Variants in RAD52 observed in about 807,000 individuals in gnomAD.
The protein encoded by RAD52 is DNA repair protein RAD52 homolog.
A neutral mutation model predicts 55.5 loss-of-function variants in RAD52; 47 were observed. That is an observed-to-expected ratio of 0.85 (90% CI 0.67 to 1.08). The LOEUF is 1.08. Among genes scored for constraint, RAD52 ranks in the 50% least tolerant of loss-of-function variants. RAD52 has a pLI of 0.00. For synonymous variants in RAD52, 184 were observed against 198.9 expected (o/e 0.92, Z 0.63); for missense variants, 468 against 522.8 (o/e 0.90, Z 1.02).
chr12:934,061 C>T (rs1318718383), intron 1 of RAD52, among the ~76,000 whole-genome samples: 1 of 148,690 alleles, frequency 6.7e-6, no homozygotes, highest in African/African-American at 2.5e-5. Context: ...ATGACCACCC[C>T]ATCGCACTCC....
chr12:928,527 AAAG>A (rs962717691), intron 5 of RAD52, among the ~76,000 whole-genome samples: 16 of 152,174 alleles, frequency 1.1e-4, no homozygotes, highest in African/African-American at 3.9e-4. Context: ...CAAAAAAAAA[AAAG>A]AAGTAAGTAA....
chr12:968,541 T>G (rs1193694613), intron 1 of RAD52, among the ~76,000 whole-genome samples: 1 of 152,090 alleles, frequency 6.6e-6, no homozygotes, highest in Non-Finnish European at 1.5e-5. Flanking sequence ...AACCCTTTTC[T>G]CCAGAGGCAT....
At chr12:927,069 C>A in intron 6 of RAD52, 76 bp downstream of exon 6, 1 of 1,537,970 alleles carries the variant, frequency 6.5e-7, no homozygotes, top group Admixed American at 1.7e-5. Flanking sequence ...TGTGTTACCT[C>A]TTCCAAAAAA....
chr12:920,311 T>C lies in RAD52; in HGVS notation c.544-3491A>G, dbSNP rs10849588. 3.4e-5 allele frequency among the ~76,000 whole-genome samples: 4 copies of C among 116,350 alleles called. 2 individuals carry two copies. The highest frequency in any genetic ancestry group is 3.6e-5 in the Non-Finnish European group (2 of 54,858). 76.3% of individuals were successfully genotyped at this position (116,350 alleles called of 152,430 possible). A position where few individuals can be genotyped will look rare whatever the true frequency, so the allele number is the denominator to read the frequency against. On this transcript the variant is annotated intron_variant, in intron 7 of 11. Coordinates refer to ENST00000358495, the MANE Select transcript of RAD52 (RefSeq NM_134424.4). The stretch of plus-strand genomic sequence containing the variant: ...GTGGCTCACACCTATAATCCCAGCA[T>C]TTTGGGAGGCCGAGGTGGGCAGATC...
intron 1 of RAD52, among the ~76,000 whole-genome samples, chr12:962,280 A>G (rs529282776): frequency 6.6e-6 from 1 of 152,250 alleles, no homozygotes; most frequent in East Asian, 1.9e-4. Context: ...TGGAAGCATG[A>G]GTAGAATCGA....
At chr12:940,894 G>A (rs1029274899) in intron 1 of RAD52, among the ~76,000 whole-genome samples, 4 of 151,848 alleles carry the variant, frequency 2.6e-5, no homozygotes, top group Non-Finnish European at 5.9e-5. Flanking sequence ...AGAACCTCAG[G>A]ATCCTGTGGG....
Position 943,467 on chromosome 12 carries a change from C to T in RAD52, c.-19+6135G>A, listed in dbSNP as rs572231857. 9.5e-4 allele frequency among the ~76,000 whole-genome samples: 144 copies of T among 152,254 alleles called. 1 individual carries two copies. Among genetic ancestry groups the T allele is most frequent in the African/African-American group, 3.2e-3 (133 of 41,556 alleles). Reference sequence around the variant, plus strand: ...AAGCAATTCTCCAGCCTCAGCCTCCCGAGTAACTGGGACTACAGGCACGTG... The same window carrying T: ...AAGCAATTCTCCAGCCTCAGCCTCCTGAGTAACTGGGACTACAGGCACGTG... On this transcript the variant is annotated intron_variant, in intron 1 of 11. Coordinates refer to ENST00000358495, the MANE Select transcript of RAD52 (RefSeq NM_134424.4).
chr12:985,541 A>G (rs11832025), intron 1 of RAD52, among the ~76,000 whole-genome samples: 15,176 of 152,214 alleles, frequency 0.1, 1,415 homozygotes, highest in African/African-American at 0.24. Flanking sequence ...ATTTTCTTCT[A>G]TGAGTATTTT....
At chr12:988,771 C>T (rs557696518) in intron 1 of RAD52, among the ~76,000 whole-genome samples, 4 of 152,286 alleles carry the variant, frequency 2.6e-5, no homozygotes, top group South Asian at 4.1e-4. Context: ...AACATAGTTT[C>T]GCAAGTGTGA....
intron 7 of RAD52, among the ~76,000 whole-genome samples, chr12:923,318 T>C (rs556313740): frequency 6.6e-6 from 1 of 151,704 alleles, no homozygotes; most frequent in South Asian, 2.1e-4. Flanking sequence ...GGCAGGAGGA[T>C]CACATGAGCC....
intron 1 of RAD52, among the ~76,000 whole-genome samples, chr12:982,557 C>T (rs1206833279): frequency 6.6e-6 from 1 of 152,140 alleles, no homozygotes; most frequent in East Asian, 1.9e-4. Context: ...TGGCCTTTCC[C>T]GCACTTTCCG....
intron 10 of RAD52, 103 bp from the exon 11 acceptor site, chr12:914,224 TCTG>T: frequency 7.7e-7 from 1 of 1,304,696 alleles, no homozygotes; most frequent in African/African-American, 1.5e-5. Context: ...TTCAGTACCT[TCTG>T]AAAGTTTTTG....
intron 1 of RAD52, among the ~76,000 whole-genome samples, chr12:966,154 T>C (rs117309157): frequency 0.012 from 1,760 of 151,910 alleles, 16 homozygotes; most frequent in Non-Finnish European, 0.018. Context: ...TTTAGTAGAG[T>C]TGAGGTCTTG....
At position 914,016 on chromosome 12, in the gene RAD52, A is replaced by C. The variant is rs1956227661; in HGVS notation, c.1073T>G (p.Leu358Ter). 1 of 1,614,148 alleles carries C rather than the reference A, an allele frequency of 6.2e-7. No individual in the cohort carries two copies. Among genetic ancestry groups the C allele is most frequent in the East Asian group, 2.2e-5 (1 of 44,892 alleles). The change falls in exon 11 of 12, where the codon TTA becomes TGA. Residue 358 changes from leucine (L) to a stop codon, truncating the protein, a stop_gained. Transcript: ENST00000358495. LOFTEE classifies it high-confidence loss of function. ...GGTCACCATCTGGTTGTTCAAGGCT[A>C]ATGTGTCAGAGGTCTGGGCTGGGTC... ...RADPAQTSDT[L>*]ALNNQMVTQN... is the part of the protein sequence containing the mutation.
At chr12:922,372 T>C (rs1431343297) in intron 7 of RAD52, among the ~76,000 whole-genome samples, 3 of 152,056 alleles carry the variant, frequency 2.0e-5, no homozygotes, top group Non-Finnish European at 2.9e-5. Flanking sequence ...AGCAATCCCC[T>C]TCAGAATATG....
In RAD52 at chr12:929,573, T is replaced by A. The variant is rs1162417102; in HGVS notation, c.348+246A>T. 2.9e-5 allele frequency: 21 copies of A among 714,570 alleles called. No individual in the cohort carries two copies. The Admixed American group carries it at 3.3e-4, about 11-fold the overall frequency. The allele number at this position is 714,570 out of a possible 1,614,324, so 44.3% of individuals were successfully genotyped here. On this transcript the variant is annotated intron_variant, in intron 5 of 11. Transcript: ENST00000358495. ...ACCATATGCCAAAAAATACATCCTT[T>A]GCAACAATTTTTATATATGGTGAAA...
intron 1 of RAD52, among the ~76,000 whole-genome samples, chr12:965,896 G>T (rs1373269239): frequency 5.9e-5 from 9 of 151,978 alleles, no homozygotes; most frequent in Non-Finnish European, 1.0e-4. Context: ...CTGTTGGCCA[G>T]GCTGATCTCG....
In RAD52 at chr12:913,073, GCC is replaced by G; in HGVS notation, c.*316_*317del. 5.6e-6 allele frequency: 1 copy of G among 179,956 alleles called. No homozygotes were observed. The highest frequency in any genetic ancestry group is 9.7e-6 in the Non-Finnish European group (1 of 103,026). 11.1% of individuals were successfully genotyped at this position (179,956 alleles called of 1,614,324 possible). A position where few individuals can be genotyped will look rare whatever the true frequency, so the allele number is the denominator to read the frequency against. ...GGCCTATATTGCTTGAGGGCAAGGA[GCC>G]ATTGGTGATTCCTAAAATGTCCATC... is the stretch of plus-strand genomic sequence containing the variant. On this transcript the variant is annotated 3_prime_UTR_variant, in exon 12 of 12. Transcript: ENST00000358495.
chr12:928,739 C>A (rs766603854), intron 5 of RAD52, among the ~76,000 whole-genome samples: 4 of 151,908 alleles, frequency 2.6e-5, no homozygotes, highest in Non-Finnish European at 5.9e-5. Context: ...ACACAATTGT[C>A]TGGTCAATTG....
Sources: allele counts gnomAD v4.1 joint callset (sites outside exome capture counted in the v4.1 genomes callset), GRCh38; gene constraint gnomAD v4.1.1; transcripts MANE v1.5; gene names NCBI Gene and HGNC (gene_info 2026-07-23, HGNC 2026-07-21).